Variants in LIN54 observed in about 807,000 individuals in gnomAD.
LIN54 encodes protein lin-54 homolog.
A neutral mutation model predicts 78.7 loss-of-function variants in LIN54; 9 were observed. The observed-to-expected ratio is 0.11, with a 90% confidence interval of 0.07 to 0.20. LIN54 has a LOEUF of 0.20. Ranked by LOEUF, LIN54 falls within the 10% of genes least tolerant of loss-of-function variation. The pLI, the probability that LIN54 is intolerant of heterozygous loss-of-function variation, is 1.00. For synonymous variants in LIN54, 269 were observed against 318.4 expected (o/e 0.84, Z 1.65); for missense variants, 573 against 889.9 (o/e 0.64, Z 4.53).
At chr4:83,009,370 C>A (rs1729667427) in intron 1 of LIN54, among the ~76,000 whole-genome samples, 1 of 152,164 alleles carries the variant, frequency 6.6e-6, no homozygotes, top group Admixed American at 6.6e-5. Flanking sequence ...TACCCATGGG[C>A]ATTCCTCAAT....
intron 1 of LIN54, among the ~76,000 whole-genome samples, chr4:82,994,096 T>C (rs1727982980): frequency 6.6e-6 from 1 of 152,100 alleles, no homozygotes; most frequent in East Asian, 1.9e-4. Context: ...ATATGAAAAC[T>C]TTTCCCCAAA....
rs1220350362 is a variant in LIN54 at position 83,010,563 on chromosome 4, CG to C, written c.-113del. On this transcript the variant is annotated 5_prime_UTR_variant, in exon 1 of 13. Coordinates refer to ENST00000340417, the MANE Select transcript of LIN54 (RefSeq NM_194282.4). ...GGTCCTGGGCAATCCCGAGCCCCGGCGGGGCTTGTTTTGCCCGTGCACGATA... is the reference window on the plus strand; with the variant it reads ...GGTCCTGGGCAATCCCGAGCCCCGGCGGGCTTGTTTTGCCCGTGCACGATA... 1 of 1,215,090 alleles carries C rather than the reference CG, an allele frequency of 8.2e-7. No individual in the cohort carries two copies. The highest frequency in any genetic ancestry group is 1.0e-6 in the Non-Finnish European group (1 of 977,712). 75.3% of individuals were successfully genotyped at this position (1,215,090 alleles called of 1,614,324 possible).
chr4:82,970,525 T>G (rs1018144051), intron 3 of LIN54, 56 bp from the exon 4 acceptor site: 4 of 1,491,322 alleles, frequency 2.7e-6, no homozygotes, highest in Middle Eastern at 3.5e-4. Context: ...GTATAAAAAT[T>G]TATGTGATGA....
chr4:82,941,584 A>C (rs1722899794), intron 5 of LIN54, among the ~76,000 whole-genome samples: 1 of 152,146 alleles, frequency 6.6e-6, no homozygotes, highest in Non-Finnish European at 1.5e-5. Flanking sequence ...TGCATAAAAC[A>C]GAATGGAGTT....
At chr4:82,953,214 C>T (rs1461639603) in intron 4 of LIN54, among the ~76,000 whole-genome samples, 5 of 152,186 alleles carry the variant, frequency 3.3e-5, no homozygotes, top group Non-Finnish European at 4.4e-5. Flanking sequence ...ATCTTGAACT[C>T]GTGGGCTCAA....
chr4:82,965,564 C>T (rs1486423800), intron 4 of LIN54, among the ~76,000 whole-genome samples: 2 of 152,096 alleles, frequency 1.3e-5, no homozygotes, highest in African/African-American at 4.8e-5. Context: ...CCCAGGTATC[C>T]ATTACAGCAA....
At chr4:82,975,733 A>G (rs931813682) in intron 3 of LIN54, among the ~76,000 whole-genome samples, 1 of 152,044 alleles carries the variant, frequency 6.6e-6, no homozygotes, top group Non-Finnish European at 1.5e-5. Context: ...AGAGAGCTAG[A>G]TGAACAAAAA....
At chr4:82,941,343 A>C (rs77558913) in intron 5 of LIN54, among the ~76,000 whole-genome samples, 1 of 152,078 alleles carries the variant, frequency 6.6e-6, no homozygotes, top group Non-Finnish European at 1.5e-5. Flanking sequence ...GCTGCAAAGC[A>C]TATTTACAAA....
At chr4:82,975,440 G>T (rs1485014148) in intron 3 of LIN54, among the ~76,000 whole-genome samples, 1 of 151,962 alleles carries the variant, frequency 6.6e-6, no homozygotes, top group Non-Finnish European at 1.5e-5. Flanking sequence ...GCCAGGCGCG[G>T]TGGCTCATGC....
intron 5 of LIN54, among the ~76,000 whole-genome samples, chr4:82,945,747 G>A (rs1366938010): frequency 1.3e-5 from 2 of 152,136 alleles, no homozygotes; most frequent in Non-Finnish European, 2.9e-5. Context: ...ACCTGCCTCA[G>A]CCTCCCAAAG....
chr4:82,972,891 G>C (rs1725788887), intron 3 of LIN54, among the ~76,000 whole-genome samples: 1 of 149,050 alleles, frequency 6.7e-6, no homozygotes, highest in African/African-American at 2.5e-5. Flanking sequence ...AGAGGTTGCA[G>C]TGAGCTGAGA....
At chr4:82,945,028 A>G (rs1723246312) in intron 5 of LIN54, among the ~76,000 whole-genome samples, 1 of 152,104 alleles carries the variant, frequency 6.6e-6, no homozygotes. Context: ...CACCCAGCTA[A>G]TTTTTGTATT....
chr4:82,947,394 TTGTGTGTGTG>T (rs57298736), intron 4 of LIN54, among the ~76,000 whole-genome samples: 5,556 of 124,514 alleles, frequency 0.045, 139 homozygotes, highest in Middle Eastern at 0.1. Context: ...CCCAGTTAAT[TTGTGTGTGTG>T]TGTGTGTGTG....
At chr4:82,964,494 G>A (rs1578559410) in intron 4 of LIN54, among the ~76,000 whole-genome samples, 1 of 152,172 alleles carries the variant, frequency 6.6e-6, no homozygotes, top group African/African-American at 2.4e-5. Flanking sequence ...AATTATGAAA[G>A]TGTCCTTCTA....
intron 5 of LIN54, among the ~76,000 whole-genome samples, 186 bp from the exon 6 acceptor site, chr4:82,940,148 A>G (rs1376343334): frequency 6.6e-6 from 1 of 152,250 alleles, no homozygotes; most frequent in African/African-American, 2.4e-5. Context: ...CATCTACCAG[A>G]GAACTTATAT....
At chr4:83,007,640 C>T (rs1043123231) in intron 1 of LIN54, among the ~76,000 whole-genome samples, 1 of 152,190 alleles carries the variant, frequency 6.6e-6, no homozygotes, top group African/African-American at 2.4e-5. Flanking sequence ...GTAACCTCAA[C>T]ACTTTGGGAG....
At chr4:83,000,188 C>G (rs1454262717) in intron 1 of LIN54, among the ~76,000 whole-genome samples, 2 of 152,096 alleles carry the variant, frequency 1.3e-5, no homozygotes, top group Admixed American at 1.3e-4. Flanking sequence ...GCCACCATGC[C>G]CAGCCCAAAC....
In LIN54 at chr4:82,999,777, C is replaced by CAAAAA. The variant is rs1295987591; in HGVS notation, c.-33+10702_-33+10706dup. On this transcript the variant is annotated intron_variant, in intron 1 of 12. Coordinates refer to ENST00000340417, the MANE Select transcript of LIN54 (RefSeq NM_194282.4). The stretch of plus-strand genomic sequence containing the variant: ...TAGGTGACAGGGCGAGACTCTGTCT[C>CAAAAA]AAAAAAAAAAAAAAAAAAGGCAAGA... Among the ~76,000 whole-genome samples, 203 of 92,034 alleles carry CAAAAA rather than the reference C, an allele frequency of 2.2e-3. 16 individuals carry two copies. Among genetic ancestry groups the CAAAAA allele is most frequent in the East Asian group, 0.016 (53 of 3,216 alleles). 60.4% of individuals were successfully genotyped at this position (92,034 alleles called of 152,430 possible).
intron 1 of LIN54, among the ~76,000 whole-genome samples, chr4:83,001,805 A>G: frequency 7.1e-6 from 1 of 140,096 alleles, no homozygotes; most frequent in East Asian, 2.1e-4. Context: ...CGAAGATCGC[A>G]CCACTGCACT....
Sources: allele counts gnomAD v4.1 joint callset (sites outside exome capture counted in the v4.1 genomes callset), GRCh38; gene constraint gnomAD v4.1.1; transcripts MANE v1.5; gene names NCBI Gene and HGNC (gene_info 2026-07-23, HGNC 2026-07-21).